The following ELP2 variants were observed in gnomAD, a reference collection of about 807,000 sequenced individuals.
ELP2 encodes elongator acetyltransferase complex subunit 2, also known as elongator complex protein 2.
A neutral mutation model predicts 119.2 loss-of-function variants in ELP2; 90 were observed. That is an observed-to-expected ratio of 0.75 (90% CI 0.64 to 0.90). ELP2 has a LOEUF of 0.90. Ranked by LOEUF, ELP2 falls within the 40% of genes least tolerant of loss-of-function variation. The pLI is 0.00. For synonymous variants in ELP2, 339 were observed against 331.0 expected, an observed-to-expected ratio of 1.02 and a Z score of -0.26; for missense variants, 921 against 967.8, an observed-to-expected ratio of 0.95 and a Z score of 0.64.
intron 13 of ELP2, among the ~76,000 whole-genome samples, chr18:36,157,001 G>T (rs1439888428): frequency 1.3e-5 from 2 of 152,120 alleles, no homozygotes; most frequent in African/African-American, 2.4e-5. Context: ...GGTAGGGGTA[G>T]AGGTAGGGGG....
Position 36,143,455 on chromosome 18 carries a change from C to T in ELP2, c.796+489C>T, listed in dbSNP as rs867861545. Reference sequence around the variant, plus strand: ...TTTTTTTTTTTTGAGACTTCTTACCCAGGTTGGAGTGCAGTGGCATAATCA... The same window carrying T: ...TTTTTTTTTTTTGAGACTTCTTACCTAGGTTGGAGTGCAGTGGCATAATCA... On this transcript the variant is annotated intron_variant, in intron 8 of 21. Coordinates refer to ENST00000358232, the MANE Select transcript of ELP2 (RefSeq NM_018255.4). 6.1e-5 allele frequency among the ~76,000 whole-genome samples: 8 copies of T among 130,302 alleles called. No homozygotes were observed. The South Asian group carries it at 7.4e-4, about 12-fold the overall frequency. The allele number at this position is 130,302 out of a possible 152,430, so 85.5% of individuals were successfully genotyped here. A position where few individuals can be genotyped will look rare whatever the true frequency, so the allele number is the denominator to read the frequency against.
intron 19 of ELP2, 112 bp downstream of exon 19, chr18:36,167,334 G>T: frequency 2.6e-6 from 2 of 780,164 alleles, no homozygotes; most frequent in South Asian, 2.0e-5. Flanking sequence ...TTAAAAATCA[G>T]CTATGTATTC....
At position 36,151,091 on chromosome 18, in the gene ELP2, T is replaced by TC. The variant is rs1446808629; in HGVS notation, c.1126-3759_1126-3758insC. Among the ~76,000 whole-genome samples, 12 of 150,818 alleles carry TC rather than the reference T, an allele frequency of 8.0e-5. No individual in the cohort carries two copies. In the East Asian group the frequency reaches 2.2e-3, roughly 27 times the overall value. On this transcript the variant is annotated intron_variant, in intron 11 of 21. Coordinates refer to ENST00000358232, the MANE Select transcript of ELP2 (RefSeq NM_018255.4). ...TCTGCCTTCCAGCTTTTTTTTTTTT[T>TC]TCTCTTTTTTTGAGACAGTGTCTCA...
At chr18:36,146,907 T>G (rs2090224551) in intron 11 of ELP2, among the ~76,000 whole-genome samples, 1 of 152,120 alleles carries the variant, frequency 6.6e-6, no homozygotes, top group African/African-American at 2.4e-5. Context: ...TCTTACTTTG[T>G]AATCTGATTT....
intron 10 of ELP2, 66 bp from the exon 11 acceptor site, chr18:36,146,184 A>C: frequency 6.2e-7 from 1 of 1,603,558 alleles, no homozygotes; most frequent in Non-Finnish European, 8.5e-7. Flanking sequence ...CTCTGGAATC[A>C]GCGATTTCTG....
At chr18:36,169,967 C>A in intron 19 of ELP2, 96 bp from the exon 20 acceptor site, 1 of 1,506,636 alleles carries the variant, frequency 6.6e-7, no homozygotes, top group Non-Finnish European at 9.2e-7. Flanking sequence ...AATACCAGAG[C>A]AAATACTTTG....
chr18:36,160,015 TGTAA>T lies in ELP2; in HGVS notation c.1688+3_1688+6del, dbSNP rs1177643547. 8 of 1,613,660 alleles carry T rather than the reference TGTAA, an allele frequency of 5.0e-6. No homozygotes were observed. The highest frequency in any genetic ancestry group is 6.8e-6 in the Non-Finnish European group (8 of 1,179,924). ...ACTTTGTGGCCTGAAGTTCAAAAAC[TGTAA>T]GTTAAACTGTATTTAGCTCTTTGGT... On this transcript the variant is annotated splice_donor_variant and splice_donor_region_variant and intron_variant, in intron 16 of 21. Transcript: ENST00000358232. LOFTEE classifies it high-confidence loss of function.
intron 11 of ELP2, among the ~76,000 whole-genome samples, chr18:36,150,579 T>G (rs970664388): frequency 1.3e-5 from 2 of 152,298 alleles, no homozygotes; most frequent in Admixed American, 1.3e-4. Flanking sequence ...TGGGAGCTAC[T>G]CAGAAGCTTT....
chr18:36,170,825 C>T, intron 20 of ELP2: 1 of 572,384 alleles, frequency 1.7e-6, no homozygotes, highest in Non-Finnish European at 3.1e-6. Flanking sequence ...GGCTCATGGG[C>T]CTTGCCAGCA....
intron 8 of ELP2, 136 bp downstream of exon 8, chr18:36,143,102 CTT>C (rs879433256): frequency 4.0e-4 from 204 of 508,522 alleles, no homozygotes; most frequent in East Asian, 7.6e-4. Flanking sequence ...TTTTTTCTTT[CTT>C]TTTTTTTTTG....
intron 6 of ELP2, among the ~76,000 whole-genome samples, chr18:36,141,686 A>G (rs1011067163): frequency 1.3e-5 from 2 of 149,646 alleles, no homozygotes; most frequent in Non-Finnish European, 3.0e-5. Context: ...AAGTCCAGCT[A>G]TTCAACTTTT....
Position 36,131,930 on chromosome 18 carries a change from C to CTTT in ELP2, c.139-1287_139-1285dup, listed in dbSNP as rs5823996. On this transcript the variant is annotated intron_variant, in intron 1 of 21. Transcript: ENST00000358232. Reference sequence around the variant, plus strand: ...TCCTGTTAAATATTTGCTGGTCGGGCTTTTTTTTTTTTTTTTTTTTTTTGG... The same window carrying CTTT: ...TCCTGTTAAATATTTGCTGGTCGGGCTTTTTTTTTTTTTTTTTTTTTTTTTTGG... Among the ~76,000 whole-genome samples the CTTT allele has an allele frequency of 5.4e-3, 428 of 79,884 alleles. 5 individuals are homozygous for CTTT. Among genetic ancestry groups the CTTT allele is most frequent in the African/African-American group, 6.9e-3 (133 of 19,360 alleles). 52.4% of individuals were successfully genotyped at this position (79,884 alleles called of 152,430 possible).
chr18:36,143,024 T>A (rs2090085405), intron 8 of ELP2, 58 bp downstream of exon 8: 2 of 1,312,068 alleles, frequency 1.5e-6, no homozygotes, highest in South Asian at 1.3e-5. Context: ...GTTGGTTGAT[T>A]TTTTTTTCAC....
chr18:36,174,365 C>G (rs576774180), intron 21 of ELP2, 120 bp from the exon 22 acceptor site: 37 of 984,110 alleles, frequency 3.8e-5, no homozygotes, highest in Non-Finnish European at 5.6e-5. Context: ...AATAAAATGG[C>G]TAAAATGTTA....
chr18:36,135,863 G>C (rs1310413839), intron 2 of ELP2, among the ~76,000 whole-genome samples: 1 of 152,160 alleles, frequency 6.6e-6, no homozygotes, highest in Admixed American at 6.5e-5. Context: ...AGACTAAAAA[G>C]ATTTGATATC....
chr18:36,160,578 GA>G (rs34625725), intron 16 of ELP2, among the ~76,000 whole-genome samples: 10 of 141,836 alleles, frequency 7.1e-5, no homozygotes, highest in Admixed American at 7.1e-5. Context: ...ACCTTGCCTT[GA>G]AAAAAAAAAA....
In ELP2 at chr18:36,166,353, G is replaced by A. The variant is rs1230794104; in HGVS notation, c.1955-748G>A. On this transcript the variant is annotated intron_variant, in intron 18 of 21. Coordinates refer to ENST00000358232, the MANE Select transcript of ELP2 (RefSeq NM_018255.4). ...TTTTTTTTTTTTTTTTTTTTCAGAC[G>A]GAGTTTCCCTCTTGTTCCCCAGGCT... is the stretch of plus-strand genomic sequence containing the variant. 8.5e-5 allele frequency among the ~76,000 whole-genome samples: 7 copies of A among 82,204 alleles called. 1 individual carries two copies. The highest frequency in any genetic ancestry group is 1.7e-4 in the African/African-American group (3 of 17,742). 53.9% of individuals were successfully genotyped at this position (82,204 alleles called of 152,430 possible). A position where few individuals can be genotyped will look rare whatever the true frequency, so the allele number is the denominator to read the frequency against.
chr18:36,148,168 A>G (rs1176680641), intron 11 of ELP2, among the ~76,000 whole-genome samples: 1 of 146,974 alleles, frequency 6.8e-6, no homozygotes, highest in Non-Finnish European at 1.5e-5. Context: ...ATCTCGGCTC[A>G]CTGCAAGCTC....
rs1162829145 is a variant in ELP2, at chr18:36,176,111, T to C, written c.*1470T>C. On this transcript the variant is annotated 3_prime_UTR_variant, in exon 22 of 22. Transcript: ENST00000358232. ...ATACGGTATATCCAAAATATTATTA[T>C]GTCAACCTATAATCAGTATAAAAAC... 1 of 152,210 alleles carries C rather than the reference T, an allele frequency of 6.6e-6. No homozygotes were observed. The highest frequency in any genetic ancestry group is 1.5e-5 in the Non-Finnish European group (1 of 68,044). The allele number at this position is 152,210 out of a possible 1,614,324, so 9.4% of individuals were successfully genotyped here.
Sources: gnomAD v4.1 joint callset for allele counts (sites outside exome capture counted in the v4.1 genomes callset) on GRCh38, gnomAD v4.1.1 for gene constraint, MANE v1.5 for transcripts, NCBI Gene and HGNC (gene_info 2026-07-23, HGNC 2026-07-21) for gene names.